Variants in KCNQ3 observed in about 807,000 individuals in gnomAD.
KCNQ3 encodes potassium voltage-gated channel subfamily Q member 3, also known as potassium voltage-gated channel subfamily KQT member 3.
Under a neutral mutation model 92.5 loss-of-function variants are expected in KCNQ3, and 30 were observed. The observed-to-expected ratio is 0.32, with a 90% CI of 0.24 to 0.44. KCNQ3 has a LOEUF of 0.44. Among genes scored for constraint, KCNQ3 ranks in the 20% least tolerant of loss-of-function variants. The pLI, the probability that KCNQ3 is intolerant of heterozygous loss-of-function variation, is 1.00. For synonymous variants in KCNQ3, 450 were observed against 468.8 expected, an observed-to-expected ratio of 0.96 and a Z score of 0.52; for missense variants, 913 against 1,140.3, an observed-to-expected ratio of 0.80 and a Z score of 2.87.
intron 1 of KCNQ3, among the ~76,000 whole-genome samples, chr8:132,255,144 A>G (rs938591540): frequency 1.3e-5 from 2 of 151,860 alleles, no homozygotes; most frequent in African/African-American, 4.8e-5. Context: ...TTAAAAACCA[A>G]TGGCTCCAAA....
chr8:132,294,286 C>A (rs1025982765), intron 1 of KCNQ3, among the ~76,000 whole-genome samples: 1 of 152,158 alleles, frequency 6.6e-6, no homozygotes, highest in Non-Finnish European at 1.5e-5. Context: ...CAGGCGTGAG[C>A]CACCGTACCT....
intron 1 of KCNQ3, among the ~76,000 whole-genome samples, chr8:132,270,227 C>T (rs79960530): frequency 0.033 from 5,029 of 152,098 alleles, 108 homozygotes; most frequent in Middle Eastern, 0.079. Context: ...TGGCAATGGG[C>T]GTTGACGTCG....
At chr8:132,304,171 G>A (rs976004870) in intron 1 of KCNQ3, among the ~76,000 whole-genome samples, 4 of 152,178 alleles carry the variant, frequency 2.6e-5, no homozygotes, top group African/African-American at 4.8e-5. Context: ...GAAGGGAGGT[G>A]AAGAATGAGA....
At chr8:132,237,581 G>T (rs552920595) in intron 1 of KCNQ3, among the ~76,000 whole-genome samples, 2 of 152,122 alleles carry the variant, frequency 1.3e-5, no homozygotes, top group Admixed American at 6.5e-5. Context: ...TTGGCAACAG[G>T]CAAGGGCTTC....
intron 1 of KCNQ3, among the ~76,000 whole-genome samples, chr8:132,361,937 A>G (rs1819184771): frequency 6.6e-6 from 1 of 152,218 alleles, no homozygotes; most frequent in Non-Finnish European, 1.5e-5. Context: ...AGGGGAAGGA[A>G]TAGTATAAAG....
At chr8:132,449,197 G>A (rs1821764754) in intron 1 of KCNQ3, among the ~76,000 whole-genome samples, 7 of 152,158 alleles carry the variant, frequency 4.6e-5, no homozygotes, top group Admixed American at 4.6e-4. Flanking sequence ...GCCTCATTGT[G>A]AATTTTAGGT....
intron 1 of KCNQ3, among the ~76,000 whole-genome samples, chr8:132,364,682 C>CGGAT (rs759838044): frequency 0.015 from 1,715 of 113,666 alleles, 16 homozygotes; most frequent in Non-Finnish European, 0.024. Context: ...GACGGACGGA[C>CGGAT]GGACGGACGG....
chr8:132,432,188 A>G (rs1821269992), intron 1 of KCNQ3, among the ~76,000 whole-genome samples: 1 of 152,110 alleles, frequency 6.6e-6, no homozygotes, highest in Admixed American at 6.5e-5. Flanking sequence ...TATCAGCAGC[A>G]CCTGGGATGG....
At chr8:132,474,706 T>C (rs72723124) in intron 1 of KCNQ3, among the ~76,000 whole-genome samples, 10,757 of 152,104 alleles carry the variant, frequency 0.071, 393 homozygotes, top group Middle Eastern at 0.092. Context: ...CAGCCTGCTG[T>C]GGAGTGGTAA....
At chr8:132,246,111 G>A (rs914431690) in intron 1 of KCNQ3, among the ~76,000 whole-genome samples, 7 of 152,116 alleles carry the variant, frequency 4.6e-5, no homozygotes, top group African/African-American at 1.7e-4. Flanking sequence ...TTCCACACGG[G>A]GCATGGCCAG....
intron 1 of KCNQ3, among the ~76,000 whole-genome samples, chr8:132,440,696 G>T (rs949893344): frequency 1.3e-5 from 2 of 152,122 alleles, no homozygotes; most frequent in South Asian, 2.1e-4. Context: ...CTCCACCTCT[G>T]CCCCTTACCA....
intron 1 of KCNQ3, among the ~76,000 whole-genome samples, chr8:132,407,541 T>A (rs1820524316): frequency 6.6e-6 from 1 of 152,200 alleles, no homozygotes; most frequent in Non-Finnish European, 1.5e-5. Flanking sequence ...AGCAGCACAC[T>A]ATTTTCAGTC....
At position 132,395,892 on chromosome 8, in the gene KCNQ3, A is replaced by G. The variant is rs528434264; in HGVS notation, c.386+84255T>C. On this transcript the variant is annotated intron_variant, in intron 1 of 14. Coordinates refer to ENST00000388996, the MANE Select transcript of KCNQ3 (RefSeq NM_004519.4). ...ACCCATGGGAACACGAACTGGCCCAAAGCATTTAGCAGAGACTCTTGTTTT... is the reference window on the plus strand; with the variant it reads ...ACCCATGGGAACACGAACTGGCCCAGAGCATTTAGCAGAGACTCTTGTTTT... Among the ~76,000 whole-genome samples the G allele has an allele frequency of 2.0e-5, 3 of 152,316 alleles. No homozygotes were observed. The South Asian group carries it at 6.2e-4, about 32-fold the overall frequency.
At position 132,252,561 on chromosome 8, in the gene KCNQ3, G is replaced by A. The variant is rs371532841; in HGVS notation, c.387-66380C>T. 5.9e-5 allele frequency among the ~76,000 whole-genome samples: 9 copies of A among 152,296 alleles called. No homozygotes were observed. In the East Asian group the frequency reaches 7.7e-4, roughly 13 times the overall value. ...CAAAAGAACAAAGCTTCCACAGCAC[G>A]GAAGGGGACCCAAGCCAGTTGCTGC... On this transcript the variant is annotated intron_variant, in intron 1 of 14. Transcript: ENST00000388996.
intron 1 of KCNQ3, among the ~76,000 whole-genome samples, chr8:132,383,909 T>C (rs1819824058): frequency 6.6e-6 from 1 of 152,162 alleles, no homozygotes; most frequent in South Asian, 2.1e-4. Context: ...GTTTCTCCTC[T>C]GAAAAATAAG....
At chr8:132,326,284 C>T (rs1818049546) in intron 1 of KCNQ3, among the ~76,000 whole-genome samples, 1 of 152,130 alleles carries the variant, frequency 6.6e-6, no homozygotes, top group African/African-American at 2.4e-5. Flanking sequence ...GATTCCTGTG[C>T]CTGGAAGTCA....
At chr8:132,291,472 CAATT>C (rs1379135162) in intron 1 of KCNQ3, among the ~76,000 whole-genome samples, 1 of 152,150 alleles carries the variant, frequency 6.6e-6, no homozygotes, top group African/African-American at 2.4e-5. Flanking sequence ...ATCATAAAGG[CAATT>C]AATTAATTGT....
chr8:132,440,232 T>A lies in KCNQ3; in HGVS notation c.386+39915A>T, dbSNP rs576538788. On this transcript the variant is annotated intron_variant, in intron 1 of 14. Transcript: ENST00000388996. Reference sequence around the variant, plus strand: ...GCCAACAGTCATCTCTGTGGCTCTCTCCTTTACTCATTCCAGTCTCTGCTC... The same window carrying A: ...GCCAACAGTCATCTCTGTGGCTCTCACCTTTACTCATTCCAGTCTCTGCTC... 2.6e-5 allele frequency among the ~76,000 whole-genome samples: 4 copies of A among 152,334 alleles called. No homozygotes were observed. The South Asian group carries it at 8.3e-4, about 32-fold the overall frequency.
intron 1 of KCNQ3, among the ~76,000 whole-genome samples, chr8:132,412,233 G>A (rs1820670191): frequency 6.6e-6 from 1 of 152,204 alleles, no homozygotes; most frequent in Non-Finnish European, 1.5e-5. Context: ...GAATCACCAA[G>A]GGCAGTGATT....
Sources: gnomAD v4.1 joint callset for allele counts (sites outside exome capture counted in the v4.1 genomes callset) on GRCh38, gnomAD v4.1.1 for gene constraint, MANE v1.5 for transcripts, NCBI Gene and HGNC (gene_info 2026-07-23, HGNC 2026-07-21) for gene names.